Variants in NACC2 observed in about 807,000 individuals in gnomAD.
The protein encoded by NACC2 is NACC family member 2.
Under a neutral mutation model 25.1 loss-of-function variants are expected in NACC2, and 8 were observed. The observed-to-expected ratio is 0.32, with a 90% CI of 0.19 to 0.57. The LOEUF (loss-of-function observed/expected upper bound fraction) is 0.57. Among genes scored for constraint, NACC2 ranks in the 20% least tolerant of loss-of-function variants. The pLI is 0.89. For synonymous variants in NACC2, 435 were observed against 294.7 expected, an observed-to-expected ratio of 1.48 and a Z score of -4.88; for missense variants, 644 against 650.2, an observed-to-expected ratio of 0.99 and a Z score of 0.10.
intron 1 of NACC2, among the ~76,000 whole-genome samples, chr9:136,072,483 T>C (rs1332614766): frequency 6.6e-6 from 1 of 151,730 alleles, no homozygotes; most frequent in East Asian, 1.9e-4. Flanking sequence ...AGGCAGAGAT[T>C]GCAGTGAGCC....
chr9:136,080,675 TCTTG>T (rs1220507159), intron 1 of NACC2, among the ~76,000 whole-genome samples: 1 of 151,844 alleles, frequency 6.6e-6, no homozygotes, highest in Non-Finnish European at 1.5e-5. Flanking sequence ...TCCACGGAGC[TCTTG>T]CTTATCTGAT....
chr9:136,016,359 G>A lies in NACC2; in HGVS notation c.957C>T (p.Ala319=), dbSNP rs764163937. Residue 319 remains alanine (A), a synonymous_variant, in exon 3 of 6, where the codon GCC becomes GCT. Coordinates refer to ENST00000277554, the MANE Select transcript of NACC2 (RefSeq NM_144653.5). Reference sequence around the variant, plus strand: ...TCTGGCTGATGAGGCTGGCAGGTAGGGCCACGAGGTCGCGGCGGATGAGGA... The same window carrying A: ...TCTGGCTGATGAGGCTGGCAGGTAGAGCCACGAGGTCGCGGCGGATGAGGA... ...SCVLIRRDLV[A]LPASLISQIG... is the part of the protein sequence containing the mutation. The A allele has an allele frequency of 1.2e-6, 2 of 1,612,156 alleles. No homozygotes were observed. The highest frequency in any genetic ancestry group is 1.7e-6 in the Non-Finnish European group (2 of 1,179,994).
intron 2 of NACC2, among the ~76,000 whole-genome samples, chr9:136,032,702 G>A (rs961044285): frequency 6.6e-6 from 1 of 152,146 alleles, no homozygotes; most frequent in Admixed American, 6.5e-5. Flanking sequence ...TTCGAGACCA[G>A]CCCATCCAAC....
rs1251231224 is a variant in NACC2, at chr9:136,039,053, T to C, written c.886+10583A>G. Reference sequence around the variant, plus strand: ...GGCAGACTGTTAGACTGCATAAAAATGCAAATCCCAACCATATGCCGTCTC... The same window carrying C: ...GGCAGACTGTTAGACTGCATAAAAACGCAAATCCCAACCATATGCCGTCTC... On this transcript the variant is annotated intron_variant, in intron 2 of 5. Coordinates refer to ENST00000277554, the MANE Select transcript of NACC2 (RefSeq NM_144653.5). Among the ~76,000 whole-genome samples, 3 of 152,130 alleles carry C rather than the reference T, an allele frequency of 2.0e-5. No individual in the cohort carries two copies. In the East Asian group the frequency reaches 5.8e-4, roughly 29 times the overall value.
At chr9:136,041,549 A>G (rs913140570) in intron 2 of NACC2, among the ~76,000 whole-genome samples, 24 of 151,250 alleles carry the variant, frequency 1.6e-4, no homozygotes, top group African/African-American at 5.6e-4. Context: ...AAGTGCCCAG[A>G]ATAGGAATCT....
chr9:136,064,341 C>T (rs1367045133), intron 1 of NACC2, among the ~76,000 whole-genome samples: 1 of 152,114 alleles, frequency 6.6e-6, no homozygotes, highest in Non-Finnish European at 1.5e-5. Flanking sequence ...GAAGAATGAA[C>T]AAGCACAGCA....
chr9:136,072,828 C>G (rs1273226352), intron 1 of NACC2, among the ~76,000 whole-genome samples: 1 of 150,838 alleles, frequency 6.6e-6, no homozygotes, highest in African/African-American at 2.4e-5. Flanking sequence ...CCAGCCTGGG[C>G]AACAAGAGTG....
Position 136,016,311 on chromosome 9 carries a change from C to G in NACC2, c.1005G>C (p.Lys335Asn). The G allele has an allele frequency of 6.2e-7, 1 of 1,612,836 alleles. No individual in the cohort carries two copies. The highest frequency in any genetic ancestry group is 8.5e-7 in the Non-Finnish European group (1 of 1,180,002). The change falls in exon 3 of 6, where the codon AAG becomes AAC. Residue 335 changes from lysine (K) to asparagine (N), a missense_variant. Coordinates refer to ENST00000277554, the MANE Select transcript of NACC2 (RefSeq NM_144653.5). ...ISQIGYRCHP[K>N]LYSEGDPGEK... is the part of the protein sequence containing the mutation. ...CCCCGGGGTCCCCTTCCGAGTAGAG[C>G]TTGGGATGGCAGCGGTATCCGATCT...
intron 1 of NACC2, among the ~76,000 whole-genome samples, chr9:136,054,429 T>TGGTTTTAGGTTGCTTTCTTGGAAGGCTCA (rs1840894929): frequency 1.3e-5 from 2 of 152,168 alleles, no homozygotes; most frequent in African/African-American, 2.4e-5. Context: ...GGACAGGAGC[T>TGGTTTTAGGTTGCTTTCTTGGAAGGCTCA]GGTTTTAGGT....
intron 2 of NACC2, among the ~76,000 whole-genome samples, chr9:136,042,917 GACAA>G (rs1172556064): frequency 2.6e-4 from 34 of 131,270 alleles, no homozygotes; most frequent in Admixed American, 7.0e-4. Flanking sequence ...GAGACACAGA[GACAA>G]ACAGACACAC....
chr9:136,080,813 G>A (rs375780125), intron 1 of NACC2, among the ~76,000 whole-genome samples: 30 of 152,138 alleles, frequency 2.0e-4, no homozygotes, highest in African/African-American at 6.3e-4. Context: ...GAGAGCAGAC[G>A]GCAGATGACC....
intron 1 of NACC2, among the ~76,000 whole-genome samples, chr9:136,081,369 A>G (rs1830321749): frequency 6.6e-6 from 1 of 152,118 alleles, no homozygotes; most frequent in African/African-American, 2.4e-5. Flanking sequence ...TGGGCTCCCC[A>G]TGGCCCAGCC....
intron 1 of NACC2, among the ~76,000 whole-genome samples, chr9:136,088,257 G>A (rs1216273391): frequency 2.0e-5 from 3 of 152,152 alleles, no homozygotes; most frequent in Non-Finnish European, 4.4e-5. Context: ...TCTGGGAACT[G>A]TACCACTGCC....
chr9:136,077,007 AAAATAAAT>A (rs1192078465), intron 1 of NACC2, among the ~76,000 whole-genome samples: 1 of 151,740 alleles, frequency 6.6e-6, no homozygotes, highest in Non-Finnish European at 1.5e-5. Flanking sequence ...CTCTGTCTCA[AAAATAAAT>A]AAATAAATAA....
intron 2 of NACC2, among the ~76,000 whole-genome samples, chr9:136,043,538 G>A (rs1010688870): frequency 6.6e-6 from 1 of 152,230 alleles, no homozygotes; most frequent in African/African-American, 2.4e-5. Flanking sequence ...CAGCCCCTTG[G>A]CCTCATGCGT....
chr9:136,049,189 C>A (rs1261959077), intron 2 of NACC2, among the ~76,000 whole-genome samples: 7 of 152,228 alleles, frequency 4.6e-5, no homozygotes, highest in African/African-American at 1.7e-4. Flanking sequence ...GCTTCCTGGC[C>A]CATCCCTGGC....
rs948923041 is a variant in NACC2 at position 136,018,084 on chromosome 9, C to CT, written c.887-1656dup. Among the ~76,000 whole-genome samples, 68 of 152,180 alleles carry CT rather than the reference C, an allele frequency of 4.5e-4. No homozygotes were observed. The highest frequency in any genetic ancestry group is 5.4e-4 in the Non-Finnish European group (37 of 68,012). ...TGCAGAGGGAGGGGTGGGGTGGAACCTGCACGTCCAGCAGGCTCGGGGCAG... is the reference window on the plus strand; with the variant it reads ...TGCAGAGGGAGGGGTGGGGTGGAACCTTGCACGTCCAGCAGGCTCGGGGCAG... On this transcript the variant is annotated intron_variant, in intron 2 of 5. Transcript: ENST00000277554. This position sits in a 1 kb window ranked among gnomAD's most constrained non-coding sequence, Gnocchi z 4.4.
intron 1 of NACC2, among the ~76,000 whole-genome samples, 165 bp from the exon 2 acceptor site, chr9:136,050,745 C>G (rs1840817900): frequency 1.3e-5 from 2 of 152,108 alleles, no homozygotes; most frequent in African/African-American, 2.4e-5. Context: ...AGAAGGGACA[C>G]GGGGTCTCCC....
At chr9:136,060,516 CCT>C (rs1840994650) in intron 1 of NACC2, among the ~76,000 whole-genome samples, 1 of 152,276 alleles carries the variant, frequency 6.6e-6, no homozygotes, top group Non-Finnish European at 1.5e-5. Context: ...CTCTCCCCTC[CCT>C]GAGGGTCAGC....
Sources: gnomAD v4.1 joint callset for allele counts (sites outside exome capture counted in the v4.1 genomes callset) on GRCh38, gnomAD v4.1.1 for gene constraint, Gnocchi (gnomAD v3.1) non-coding constraint, MANE v1.5 for transcripts, NCBI Gene and HGNC (gene_info 2026-07-23, HGNC 2026-07-21) for gene names.